Variants in CNTLN observed in about 807,000 individuals in gnomAD.
CNTLN encodes the protein centlein.
CNTLN carries 212 observed loss-of-function variants against 180.0 expected under a neutral mutation model. The observed-to-expected ratio is 1.18, with a 90% CI of 1.05 to 1.32. The LOEUF (loss-of-function observed/expected upper bound fraction) is 1.32, where lower values mean the gene tolerates loss of function less well. CNTLN is among the 40% of genes most tolerant of loss of function. The probability of loss-of-function intolerance (pLI) is 0.00; values close to 1 mark genes in which losing one functional copy is unlikely to be tolerated. For missense variants in CNTLN, 2,095 were observed against 1,610.9 expected (o/e 1.30, Z -5.14); for synonymous variants, 722 against 563.1 (o/e 1.28, Z -3.99).
chr9:17,279,626 GTT>G (rs78373194), intron 6 of CNTLN, among the ~76,000 whole-genome samples: 2 of 144,198 alleles, frequency 1.4e-5, no homozygotes, highest in Non-Finnish European at 1.5e-5. Context: ...AAGGTGTCAG[GTT>G]TTTTTTTTTT....
At chr9:17,160,252 T>C (rs994890032) in intron 2 of CNTLN, among the ~76,000 whole-genome samples, 2 of 152,326 alleles carry the variant, frequency 1.3e-5, no homozygotes, top group Admixed American at 1.3e-4. Flanking sequence ...AAGGGCCATT[T>C]TATATCGTTT....
rs200848404 is a variant in CNTLN at position 17,502,701 on chromosome 9, G to A, written c.*49G>A. On this transcript the variant is annotated 3_prime_UTR_variant, in exon 26 of 26. Coordinates refer to ENST00000380647, the MANE Select transcript of CNTLN (RefSeq NM_017738.4). The stretch of plus-strand genomic sequence containing the variant: ...CAAATGTGAAAACTTTTTATGTGGT[G>A]TGATTGGAATACATGCATTGCAATC... 2.9e-4 allele frequency: 199 copies of A among 694,776 alleles called. No individual in the cohort carries two copies. The African/African-American group carries it at 3.6e-3, about 12-fold the overall frequency. 43.0% of individuals were successfully genotyped at this position (694,776 alleles called of 1,614,324 possible). A position where few individuals can be genotyped will look rare whatever the true frequency, so the allele number is the denominator to read the frequency against.
At chr9:17,344,435 A>C (rs1821719760) in intron 12 of CNTLN, among the ~76,000 whole-genome samples, 2 of 152,128 alleles carry the variant, frequency 1.3e-5, no homozygotes, top group South Asian at 4.1e-4. Context: ...AATGGAATAA[A>C]CTTTAACGTA....
At chr9:17,344,644 C>T (rs769240424) in intron 12 of CNTLN, among the ~76,000 whole-genome samples, 9 of 151,946 alleles carry the variant, frequency 5.9e-5, no homozygotes, top group Non-Finnish European at 1.2e-4. Flanking sequence ...AAATAAATGT[C>T]AAAAATGTTA....
chr9:17,160,110 G>T (rs1481309218), intron 2 of CNTLN, among the ~76,000 whole-genome samples: 1 of 152,042 alleles, frequency 6.6e-6, no homozygotes. Context: ...ATATAAGAAG[G>T]TGCTTATTTT....
intron 8 of CNTLN, among the ~76,000 whole-genome samples, chr9:17,318,202 T>G (rs1819660914): frequency 6.6e-6 from 1 of 151,846 alleles, no homozygotes; most frequent in South Asian, 2.1e-4. Flanking sequence ...TAATTTTTTT[T>G]GTATTTTTAG....
At chr9:17,267,931 C>G (rs956421121) in intron 5 of CNTLN, among the ~76,000 whole-genome samples, 7 of 152,050 alleles carry the variant, frequency 4.6e-5, no homozygotes, top group African/African-American at 1.7e-4. Flanking sequence ...TCTAGTTATC[C>G]ATTCGTCTAA....
chr9:17,376,495 A>T (rs1222170688), intron 13 of CNTLN, among the ~76,000 whole-genome samples: 2 of 148,070 alleles, frequency 1.4e-5, no homozygotes, highest in Non-Finnish European at 3.0e-5. Context: ...TCTGTCCCTG[A>T]GGCTGGAGTG....
intron 2 of CNTLN, chr9:17,167,054 GA>G (rs1820120389): frequency 9.7e-6 from 2 of 205,484 alleles, no homozygotes; most frequent in South Asian, 1.6e-4. Flanking sequence ...ATGTTTTTGA[GA>G]AAGATATTTC....
rs181503905 is a variant in CNTLN at position 17,318,132 on chromosome 9, A to G, written c.1341+8880A>G. On this transcript the variant is annotated intron_variant, in intron 8 of 25. Coordinates refer to ENST00000380647, the MANE Select transcript of CNTLN (RefSeq NM_017738.4). The stretch of plus-strand genomic sequence containing the variant: ...AAGCTCCGCCTCCCAGGTTCACGCT[A>G]TTCTCCTGCCTCAGCCTGCTGAGTA... Among the ~76,000 whole-genome samples, 937 of 150,630 alleles carry G rather than the reference A, an allele frequency of 6.2e-3. 6 individuals carry two copies. Among genetic ancestry groups the G allele is most frequent in the Non-Finnish European group, 8.6e-3 (585 of 67,824 alleles).
chr9:17,468,652 T>C (rs1380933507), intron 23 of CNTLN, among the ~76,000 whole-genome samples: 12 of 151,674 alleles, frequency 7.9e-5, no homozygotes, highest in Admixed American at 7.9e-4. Context: ...GTTTTCAAAA[T>C]AGAAAAATTA....
intron 23 of CNTLN, among the ~76,000 whole-genome samples, chr9:17,473,592 CA>C (rs1208961626): frequency 7.5e-5 from 10 of 132,808 alleles, no homozygotes; most frequent in African/African-American, 2.3e-4. Flanking sequence ...CACCATTTAC[CA>C]AAAAAAAAAA....
At chr9:17,233,504 T>C (rs1476468690) in intron 3 of CNTLN, among the ~76,000 whole-genome samples, 2 of 152,148 alleles carry the variant, frequency 1.3e-5, no homozygotes. Flanking sequence ...TAAATCGATT[T>C]AATGACCCAT....
chr9:17,479,542 G>T (rs543340321), intron 23 of CNTLN, among the ~76,000 whole-genome samples: 7 of 152,142 alleles, frequency 4.6e-5, no homozygotes, highest in African/African-American at 1.7e-4. Context: ...GGGAGACTGA[G>T]AAATGGGGAA....
chr9:17,342,952 G>C (rs1821602798), intron 12 of CNTLN, among the ~76,000 whole-genome samples: 1 of 152,198 alleles, frequency 6.6e-6, no homozygotes, highest in Non-Finnish European at 1.5e-5. Flanking sequence ...CAGCAGAACT[G>C]CCTGTTAAGG....
At chr9:17,304,239 A>C (rs190401047) in intron 7 of CNTLN, among the ~76,000 whole-genome samples, 49 of 152,256 alleles carry the variant, frequency 3.2e-4, no homozygotes, top group Non-Finnish European at 6.5e-4. Context: ...CAAGTCTACC[A>C]GTCATATAGT....
At chr9:17,297,368 G>T (rs77877446) in intron 6 of CNTLN, among the ~76,000 whole-genome samples, 104 of 152,044 alleles carry the variant, frequency 6.8e-4, no homozygotes, top group Admixed American at 2.2e-3. Flanking sequence ...GATAATAAGA[G>T]ACTACTGTTT....
rs367703415 is a variant in CNTLN, at chr9:17,250,099, G to A, written c.849+13511G>A. On this transcript the variant is annotated intron_variant, in intron 5 of 25. Coordinates refer to ENST00000380647, the MANE Select transcript of CNTLN (RefSeq NM_017738.4). ...ATGTTTATTATTGTTATAACTTCTC[G>A]ATAAGTTGATTATTAGATCTTTTGT... is the stretch of plus-strand genomic sequence containing the variant. Among the ~76,000 whole-genome samples the A allele has an allele frequency of 2.0e-5, 3 of 151,238 alleles. No homozygotes were observed. The Admixed American group carries it at 2.0e-4, about 10-fold the overall frequency.
intron 18 of CNTLN, among the ~76,000 whole-genome samples, chr9:17,433,443 C>A (rs1416128184): frequency 1.3e-5 from 2 of 151,886 alleles, no homozygotes; most frequent in African/African-American, 4.8e-5. Flanking sequence ...TGCCACCATG[C>A]CTGGCTAATT....
Sources: allele counts gnomAD v4.1 joint callset (sites outside exome capture counted in the v4.1 genomes callset), GRCh38; gene constraint gnomAD v4.1.1; transcripts MANE v1.5; gene names NCBI Gene and HGNC (gene_info 2026-07-23, HGNC 2026-07-21).